The following DNAAF4 variants were observed in gnomAD, a reference collection of about 807,000 sequenced individuals.
DNAAF4 encodes dynein assembly factor 4, axonemal.
A neutral mutation model predicts 51.8 loss-of-function variants in DNAAF4; 43 were observed. That is an observed-to-expected ratio of 0.83 (90% CI 0.65 to 1.07). The LOEUF (loss-of-function observed/expected upper bound fraction) is 1.07. DNAAF4 is among the 50% of genes least tolerant of loss of function. DNAAF4 has a pLI of 0.00. For synonymous variants in DNAAF4, 194 were observed against 165.6 expected, an observed-to-expected ratio of 1.17 and a Z score of -1.32; for missense variants, 581 against 493.0, an observed-to-expected ratio of 1.18 and a Z score of -1.69.
At chr15:55,437,501 C>A (rs1298766620) in intron 7 of DNAAF4, among the ~76,000 whole-genome samples, 2 of 151,776 alleles carry the variant, frequency 1.3e-5, no homozygotes, top group Non-Finnish European at 2.9e-5. Context: ...ACAGATAATG[C>A]CCCCCGCCCC....
At chr15:55,453,334 A>C (rs1350168422) in intron 5 of DNAAF4, among the ~76,000 whole-genome samples, 2 of 152,154 alleles carry the variant, frequency 1.3e-5, no homozygotes, top group African/African-American at 4.8e-5. Flanking sequence ...AAAAAGCACA[A>C]TTCACAAGAG....
At chr15:55,461,287 C>T (rs2058091373) in intron 5 of DNAAF4, among the ~76,000 whole-genome samples, 1 of 151,946 alleles carries the variant, frequency 6.6e-6, no homozygotes, top group South Asian at 2.1e-4. Flanking sequence ...CCACCAGATT[C>T]TGGTCTCTGG....
chr15:55,454,513 G>C (rs1273134719), intron 5 of DNAAF4, among the ~76,000 whole-genome samples: 1 of 151,788 alleles, frequency 6.6e-6, no homozygotes, highest in Admixed American at 6.6e-5. Context: ...AAGTAGCTGG[G>C]ATTACAGCTA....
chr15:55,437,291 G>C (rs2057628661), intron 7 of DNAAF4, among the ~76,000 whole-genome samples: 1 of 152,172 alleles, frequency 6.6e-6, no homozygotes. Flanking sequence ...AAGAAAGGAA[G>C]AAGAGAAAGA....
At chr15:55,484,156 A>C (rs1372113209) in intron 4 of DNAAF4, among the ~76,000 whole-genome samples, 1 of 151,950 alleles carries the variant, frequency 6.6e-6, no homozygotes, top group Non-Finnish European at 1.5e-5. Flanking sequence ...AAATGGTCCA[A>C]ATGCCATGGA....
chr15:55,456,383 A>G (rs2058021808), intron 5 of DNAAF4, among the ~76,000 whole-genome samples: 1 of 152,158 alleles, frequency 6.6e-6, no homozygotes, highest in Non-Finnish European at 1.5e-5. Flanking sequence ...CATCCGGCGG[A>G]AAATGCATCC....
Position 55,473,367 on chromosome 15 carries a change from G to A in DNAAF4, c.406-6206C>T, listed in dbSNP as rs905466764. Among the ~76,000 whole-genome samples the A allele has an allele frequency of 4.3e-4, 52 of 121,114 alleles. 1 individual carries two copies. Among genetic ancestry groups the A allele is most frequent in the African/African-American group, 1.7e-3 (44 of 26,382 alleles). 79.5% of individuals were successfully genotyped at this position (121,114 alleles called of 152,430 possible). A position where few individuals can be genotyped will look rare whatever the true frequency, so the allele number is the denominator to read the frequency against. ...TATATGTGTGTATATATATGTGTGT[G>A]TGTATATATATATATATGCAAACTT... is the stretch of plus-strand genomic sequence containing the variant. On this transcript the variant is annotated intron_variant, in intron 4 of 9. Transcript: ENST00000321149.
At chr15:55,497,628 A>G (rs2058658175) in intron 3 of DNAAF4, 84 bp downstream of exon 3, 4 of 1,481,902 alleles carry the variant, frequency 2.7e-6, no homozygotes, top group Non-Finnish European at 3.6e-6. Context: ...CCTACACAAT[A>G]TAGGTGCTTC....
At chr15:55,497,595 TAAA>T in intron 3 of DNAAF4, 114 bp downstream of exon 3, 4 of 1,063,382 alleles carry the variant, frequency 3.8e-6, no homozygotes, top group African/African-American at 1.6e-5. Context: ...GCAAGACTCT[TAAA>T]AAAAAAAAAT....
At chr15:55,432,696 A>G in intron 8 of DNAAF4, 94 bp from the exon 9 acceptor site, 1 of 1,144,400 alleles carries the variant, frequency 8.7e-7, no homozygotes, top group Non-Finnish European at 1.2e-6. Context: ...CTGTAATCCC[A>G]ACACTTGGGG....
Position 55,432,904 on chromosome 15 carries a change from C to T in DNAAF4, c.1048-302G>A, listed in dbSNP as rs188966175. Among the ~76,000 whole-genome samples the T allele has an allele frequency of 4.0e-3, 609 of 152,018 alleles. 2 individuals carry two copies. Among genetic ancestry groups the T allele is most frequent in the Middle Eastern group, 0.01 (3 of 294 alleles). ...GGCAGAGCTTGCAGAGAGCCGAGAT[C>T]GCGCCACTGAACTCCAGCCTGGGTG... is the stretch of plus-strand genomic sequence containing the variant. On this transcript the variant is annotated intron_variant, in intron 8 of 9. Coordinates refer to ENST00000321149, the MANE Select transcript of DNAAF4 (RefSeq NM_130810.4).
chr15:55,459,624 A>T (rs1259066883), intron 5 of DNAAF4, among the ~76,000 whole-genome samples: 1 of 152,248 alleles, frequency 6.6e-6, no homozygotes, highest in Non-Finnish European at 1.5e-5. Flanking sequence ...ATAAGGACTC[A>T]TAAACAGGGT....
At chr15:55,506,501 T>C (rs527911989) in intron 1 of DNAAF4, among the ~76,000 whole-genome samples, 16 of 152,288 alleles carry the variant, frequency 1.1e-4, no homozygotes, top group African/African-American at 3.9e-4. Flanking sequence ...TTAATTCTAG[T>C]AACACTCCTG....
At position 55,469,336 on chromosome 15, in the gene DNAAF4, AAAAG is replaced by A. The variant is rs1021680984; in HGVS notation, c.406-2179_406-2176del. On this transcript the variant is annotated intron_variant, in intron 4 of 9. Coordinates refer to ENST00000321149, the MANE Select transcript of DNAAF4 (RefSeq NM_130810.4). The stretch of plus-strand genomic sequence containing the variant: ...CAAGAGCGAGGCTCCTCTCAAAAAA[AAAAG>A]AAAGAAAGAAAGAAAAAGAAAAACA... Among the ~76,000 whole-genome samples, 8 of 152,048 alleles carry A rather than the reference AAAAG, an allele frequency of 5.3e-5. No homozygotes were observed. In the South Asian group the frequency reaches 8.3e-4, roughly 16 times the overall value.
intron 1 of DNAAF4, among the ~76,000 whole-genome samples, chr15:55,500,365 T>A (rs2058689690): frequency 6.6e-6 from 1 of 151,316 alleles, no homozygotes; most frequent in African/African-American, 2.5e-5. Context: ...ATGGACTTTT[T>A]TAAAAAAATT....
In DNAAF4 at chr15:55,430,526, C is replaced by A; in HGVS notation, c.*144G>T. Reference sequence around the variant, plus strand: ...TGATTCAAGTCAAACAGTTTATTTTCTATAGATTTATAATATTTTGCCCTC... The same window carrying A: ...TGATTCAAGTCAAACAGTTTATTTTATATAGATTTATAATATTTTGCCCTC... On this transcript the variant is annotated 3_prime_UTR_variant, in exon 10 of 10. Coordinates refer to ENST00000321149, the MANE Select transcript of DNAAF4 (RefSeq NM_130810.4). The A allele has an allele frequency of 7.9e-7, 1 of 1,258,820 alleles. No individual in the cohort carries two copies. Among genetic ancestry groups the A allele is most frequent in the Non-Finnish European group, 1.0e-6 (1 of 993,740 alleles). 78.0% of individuals were successfully genotyped at this position (1,258,820 alleles called of 1,614,324 possible). A position where few individuals can be genotyped will look rare whatever the true frequency, so the allele number is the denominator to read the frequency against.
chr15:55,451,712 C>T (rs2057935432), intron 5 of DNAAF4, among the ~76,000 whole-genome samples: 1 of 151,526 alleles, frequency 6.6e-6, no homozygotes, highest in African/African-American at 2.4e-5. Context: ...CCCCTTGGCT[C>T]AAAAAATCCT....
rs2058671646 is a variant in DNAAF4, at chr15:55,498,593, G to GATAAAAAA, written c.-255-10_-255-9insTTTTTTAT. The GATAAAAAA allele has an allele frequency of 1.3e-5, 1 of 74,652 alleles. No homozygotes were observed. Among genetic ancestry groups the GATAAAAAA allele is most frequent in the Non-Finnish European group, 2.4e-5 (1 of 42,430 alleles). 4.6% of individuals were successfully genotyped at this position (74,652 alleles called of 1,614,324 possible). On this transcript the variant is annotated splice_polypyrimidine_tract_variant and intron_variant, in intron 1 of 9. Coordinates refer to ENST00000321149, the MANE Select transcript of DNAAF4 (RefSeq NM_130810.4). The stretch of plus-strand genomic sequence containing the variant: ...AAGTAGACCCATACCCTCTGCTTGA[G>GATAAAAAA]AAAAAAAAAAAAAAAAAAAAGCACT...
intron 1 of DNAAF4, among the ~76,000 whole-genome samples, chr15:55,506,204 T>C (rs2058726299): frequency 6.6e-6 from 1 of 152,150 alleles, no homozygotes; most frequent in Non-Finnish European, 1.5e-5. Flanking sequence ...AAAGAGAACA[T>C]ATAAACAAAA....
Sources: allele counts gnomAD v4.1 joint callset (sites outside exome capture counted in the v4.1 genomes callset), GRCh38; gene constraint gnomAD v4.1.1; transcripts MANE v1.5; gene names NCBI Gene and HGNC (gene_info 2026-07-23, HGNC 2026-07-21).